NHS: variants seen among roughly 807,000 people sequenced by gnomAD.
The protein encoded by NHS is actin remodeling regulator NHS.
Under a neutral mutation model 72.5 loss-of-function variants are expected in NHS, and 5 were observed. That is an observed-to-expected ratio of 0.07 (90% CI 0.04 to 0.14). NHS has a LOEUF of 0.14. Among genes scored for constraint, NHS ranks in the 10% least tolerant of loss-of-function variants. The pLI is 1.00. For synonymous variants in NHS, 464 were observed against 547.7 expected (o/e 0.85, Z 2.13); for missense variants, 1,072 against 1,355.7 (o/e 0.79, Z 3.29).
intron 1 of NHS, among the ~76,000 whole-genome samples, chrX:17,423,828 A>G (rs781538839): frequency 1.8e-5 from 2 of 112,438 alleles, no homozygotes; most frequent in Non-Finnish European, 3.8e-5. Flanking sequence ...GCCTGCTGGA[A>G]GTGCTCTTCC....
At chrX:17,524,565 C>T (rs1310538794) in intron 1 of NHS, among the ~76,000 whole-genome samples, 3 of 111,705 alleles carry the variant, frequency 2.7e-5, no homozygotes, top group Non-Finnish European at 3.8e-5. Flanking sequence ...TGAAGAATAC[C>T]AGCCAGTTGT....
rs141389657 is a variant in NHS at position 17,396,781 on chromosome X, C to T, written c.565+20459C>T. Among the ~76,000 whole-genome samples, 1,080 of 111,523 alleles carry T rather than the reference C, an allele frequency of 9.7e-3. 41 individuals are homozygous for T. The highest frequency in any genetic ancestry group is 0.086 in the Admixed American group (899 of 10,463). On this transcript the variant is annotated intron_variant, in intron 1 of 8. Coordinates refer to ENST00000676302, the MANE Select transcript of NHS (RefSeq NM_001291867.2). ...CAGGAAAAATATATCCACTGAGACA[C>T]ATAGTTTAAATAATAGAACAATAAG... is the stretch of plus-strand genomic sequence containing the variant.
chrX:17,448,932 A>T (rs1259706804), intron 1 of NHS, among the ~76,000 whole-genome samples: 1 of 112,891 alleles, frequency 8.9e-6, no homozygotes, highest in Non-Finnish European at 1.9e-5. Flanking sequence ...ATCTTTATGA[A>T]GTACCATGTT....
intron 1 of NHS, chrX:17,635,342 A>C: frequency 9.1e-7 from 1 of 1,104,112 alleles, no homozygotes; most frequent in Admixed American, 3.2e-5. Flanking sequence ...CCAGCCTAGC[A>C]CTTGGGTGAG....
At chrX:17,560,278 A>T (rs1350768943) in intron 1 of NHS, among the ~76,000 whole-genome samples, 4 of 111,952 alleles carry the variant, frequency 3.6e-5, no homozygotes, top group Non-Finnish European at 7.5e-5. Flanking sequence ...ACGTTGATTC[A>T]TGGTAGTGAT....
chrX:17,669,539 A>AAAC (rs987542965), intron 1 of NHS, among the ~76,000 whole-genome samples: 2 of 112,081 alleles, frequency 1.8e-5, no homozygotes, highest in Non-Finnish European at 3.8e-5. Context: ...TACCAAATGG[A>AAAC]AACAACAACA....
At chrX:17,429,224 ATGTG>A (rs10616889) in intron 1 of NHS, among the ~76,000 whole-genome samples, 1,747 of 96,645 alleles carry the variant, frequency 0.018, 11 homozygotes, top group East Asian at 0.044. Context: ...GTACTGGGGG[ATGTG>A]TGTGTGTGTG....
At chrX:17,512,661 T>C (rs929406913) in intron 1 of NHS, among the ~76,000 whole-genome samples, 1 of 112,583 alleles carries the variant, frequency 8.9e-6, no homozygotes, top group Middle Eastern at 4.6e-3. Flanking sequence ...AAATGTGAAA[T>C]TTGCATGATG....
At chrX:17,639,591 C>T (rs1239022826) in intron 1 of NHS, among the ~76,000 whole-genome samples, 1 of 111,167 alleles carries the variant, frequency 9.0e-6, no homozygotes, top group African/African-American at 3.3e-5. Flanking sequence ...TGTGATAACC[C>T]ATTTAATCCA....
chrX:17,496,850 A>G (rs1027930052), intron 1 of NHS, among the ~76,000 whole-genome samples: 4 of 112,070 alleles, frequency 3.6e-5, no homozygotes, highest in African/African-American at 1.3e-4. Context: ...TCTCTGTTAA[A>G]GGTAAGTTTG....
intron 1 of NHS, among the ~76,000 whole-genome samples, chrX:17,651,636 T>C (rs866240561): frequency 8.9e-4 from 99 of 111,817 alleles, no homozygotes; most frequent in African/African-American, 3.0e-3. Context: ...GTAAGAGTTT[T>C]TATGTGCCAA....
At chrX:17,573,261 C>G in intron 1 of NHS, among the ~76,000 whole-genome samples, 1 of 111,586 alleles carries the variant, frequency 9.0e-6, no homozygotes, top group Non-Finnish European at 1.9e-5. Context: ...TGGATAATAT[C>G]CTGAAGAGTG....
At chrX:17,718,636 AAG>A (rs898881760) in intron 3 of NHS, among the ~76,000 whole-genome samples, 2 of 96,284 alleles carry the variant, frequency 2.1e-5, no homozygotes, top group East Asian at 3.7e-4. Context: ...GGAAGGAAAA[AAG>A]GAAGGAAGAA....
chrX:17,491,997 ATTGTGTCTATT>A (rs1320569961), intron 1 of NHS, among the ~76,000 whole-genome samples: 4 of 109,156 alleles, frequency 3.7e-5, no homozygotes, highest in Non-Finnish European at 7.6e-5. Context: ...ATCATTTTTT[ATTGTGTCTATT>A]TGATTCTTTT....
intron 1 of NHS, among the ~76,000 whole-genome samples, chrX:17,632,617 A>C (rs774818374): frequency 6.4e-4 from 69 of 108,168 alleles, no homozygotes; most frequent in Non-Finnish European, 1.0e-3. Context: ...ACAAAAAAAA[A>C]CGAAGACCCC....
intron 1 of NHS, among the ~76,000 whole-genome samples, chrX:17,409,379 T>G (rs1256511951): frequency 9.1e-6 from 1 of 110,240 alleles, no homozygotes; most frequent in South Asian, 3.9e-4. Context: ...ATTATGTTTT[T>G]TTTTTTTTTT....
chrX:17,696,031 C>T (rs2066228044), intron 3 of NHS, among the ~76,000 whole-genome samples: 1 of 110,202 alleles, frequency 9.1e-6, no homozygotes, highest in African/African-American at 3.3e-5. Context: ...CATGAAGTTA[C>T]TGTGGACCTG....
At chrX:17,696,182 C>A (rs1462314929) in intron 3 of NHS, among the ~76,000 whole-genome samples, 1 of 111,448 alleles carries the variant, frequency 9.0e-6, no homozygotes, top group Non-Finnish European at 1.9e-5. Context: ...TAGCTAGGAA[C>A]CAAATGTAAA....
At chrX:17,715,083 C>A (rs928076275) in intron 3 of NHS, among the ~76,000 whole-genome samples, 8 of 111,266 alleles carry the variant, frequency 7.2e-5, no homozygotes, top group Non-Finnish European at 1.5e-4. Flanking sequence ...TGAGTGAGTT[C>A]TTTAGTGGTG....
Sources: allele counts gnomAD v4.1 joint callset (sites outside exome capture counted in the v4.1 genomes callset), GRCh38; gene constraint gnomAD v4.1.1; transcripts MANE v1.5; gene names NCBI Gene and HGNC (gene_info 2026-07-23, HGNC 2026-07-21).